DUOX2: variants seen among roughly 807,000 people sequenced by gnomAD.
The protein encoded by DUOX2 is dual oxidase 2.
DUOX2 carries 185 observed loss-of-function variants against 183.3 expected under a neutral mutation model. The ratio of observed to expected loss-of-function variants is 1.01; its 90% CI spans 0.90 to 1.14. The LOEUF is 1.14. DUOX2 is among the 50% of genes most tolerant of loss of function. The pLI is 0.00. For synonymous variants in DUOX2, 788 were observed against 812.4 expected, an observed-to-expected ratio of 0.97 and a Z score of 0.51; for missense variants, 1,999 against 2,022.9, an observed-to-expected ratio of 0.99 and a Z score of 0.23.
In DUOX2 at chr15:45,104,517, C is replaced by T; in HGVS notation, c.2335-152G>A. 2.8e-6 allele frequency: 3 copies of T among 1,090,476 alleles called. No individual in the cohort carries two copies. In the South Asian group the frequency reaches 4.7e-5, roughly 17 times the overall value. The allele number at this position is 1,090,476 out of a possible 1,614,324, so 67.6% of individuals were successfully genotyped here. On this transcript the variant is annotated intron_variant, in intron 18 of 33. Transcript: ENST00000389039. ...GATCCTTAGATATACTGACTGGGGC[C>T]TCTGTTGTCCTATAGACGGGGGAAT...
intron 4 of DUOX2, 93 bp from the exon 5 acceptor site, chr15:45,112,048 G>C (rs762075659): frequency 3.1e-5 from 47 of 1,493,356 alleles, no homozygotes; most frequent in Middle Eastern, 3.4e-4. Context: ...GGAGCCAAAA[G>C]ACAGAGGTCC....
rs773015565 is a variant in DUOX2, at chr15:45,095,616, T to C, written c.4081-21A>G. 4 of 1,613,760 alleles carry C rather than the reference T, an allele frequency of 2.5e-6. No homozygotes were observed. In the South Asian group the frequency reaches 3.3e-5, roughly 13 times the overall value. ...TACAGCTGCCAAGAGAGGGGGGAGA[T>C]GAAATGAGCCTGACCCTGCCCCAGC... On this transcript the variant is annotated intron_variant, in intron 30 of 33. Coordinates refer to ENST00000389039, the MANE Select transcript of DUOX2 (RefSeq NM_001363711.2).
intron 12 of DUOX2, 78 bp from the exon 13 acceptor site, chr15:45,108,300 C>T: frequency 6.5e-7 from 1 of 1,537,942 alleles, no homozygotes; most frequent in Non-Finnish European, 8.9e-7. Flanking sequence ...CCCTCGGGCA[C>T]AGAACCTCAG....
Position 45,108,079 on chromosome 15 carries a change from A to G in DUOX2, c.1542T>C (p.Gly514=). Residue 514 remains glycine, a synonymous_variant, in exon 13 of 34, where the codon GGT becomes GGC. Coordinates refer to ENST00000389039, the MANE Select transcript of DUOX2 (RefSeq NM_001363711.2). ...VLDQFVRLRD[G]DRYWFENTRN... ...TGGTGTTCTCAAACCAGTAGCGGTC[A>G]CCATCCCGCAGCCGTACAAACTGGT... 3 of 1,614,032 alleles carry G rather than the reference A, an allele frequency of 1.9e-6. No homozygotes were observed. The highest frequency in any genetic ancestry group is 2.5e-6 in the Non-Finnish European group (3 of 1,179,974).
intron 9 of DUOX2, 80 bp from the exon 10 acceptor site, chr15:45,110,060 TG>T (rs1179369376): frequency 7.7e-7 from 1 of 1,301,964 alleles, no homozygotes; most frequent in Non-Finnish European, 1.1e-6. Flanking sequence ...AGGGACTCAG[TG>T]GGGGTTCACT....
rs778178479 is a variant in DUOX2, at chr15:45,110,479, A to G, written c.989T>C (p.Val330Ala). ...LDPSISPEFV[V>A]ASEQFFSTMV... ...GGTAGAGAAGAACTGCTCAGAGGCCACCACAAATTCCGGGGAGATGCTGGG... is the reference window on the plus strand; with the variant it reads ...GGTAGAGAAGAACTGCTCAGAGGCCGCCACAAATTCCGGGGAGATGCTGGG... Residue 330 changes from valine to alanine, a missense_variant, in exon 9 of 34, where the codon GTG (valine) becomes GCG (alanine). Transcript: ENST00000389039. The G allele has an allele frequency of 3.1e-6, 5 of 1,614,010 alleles. No individual in the cohort carries two copies. In the African/African-American group the frequency reaches 6.7e-5, roughly 22 times the overall value.
At position 45,106,822 on chromosome 15, in the gene DUOX2, A is replaced by C. The variant is rs965660856; in HGVS notation, c.1831+10T>G. The stretch of plus-strand genomic sequence containing the variant: ...GGGCCAGTCTGCAGAGAGGCTGCCT[A>C]AGAGCTCACCTAAGGGAAGGCAGCA... On this transcript the variant is annotated intron_variant, in intron 15 of 33. Coordinates refer to ENST00000389039, the MANE Select transcript of DUOX2 (RefSeq NM_001363711.2). 3 of 1,597,494 alleles carry C rather than the reference A, an allele frequency of 1.9e-6. No homozygotes were observed. Among genetic ancestry groups the C allele is most frequent in the Non-Finnish European group, 2.6e-6 (3 of 1,172,716 alleles).
At chr15:45,096,163 T>TGTGTCTG in intron 29 of DUOX2, 103 bp from the exon 30 acceptor site, 2 of 1,012,472 alleles carry the variant, frequency 2.0e-6, no homozygotes, top group Non-Finnish European at 3.1e-6. Context: ...GCCTGGGGAG[T>TGTGTCTG]AGTCACATGG....
chr15:45,104,099 C>T (rs937047611), intron 19 of DUOX2, 41 bp downstream of exon 19: 1 of 1,614,018 alleles, frequency 6.2e-7, no homozygotes, highest in Non-Finnish European at 8.5e-7. Flanking sequence ...GCTGAAAGAC[C>T]CCTGGATTCT....
chr15:45,104,271 T>A lies in DUOX2; in HGVS notation c.2429A>T (p.Glu810Val). 2 of 1,614,032 alleles carry A rather than the reference T, an allele frequency of 1.2e-6. No homozygotes were observed. The highest frequency in any genetic ancestry group is 1.7e-6 in the Non-Finnish European group (2 of 1,180,010). The change falls in exon 19 of 34, where the codon GAG becomes GTG. Residue 810 changes from glutamate (E) to valine (V), a missense_variant. Physicochemically the swap from Glu to Val is moderately radical, Grantham distance 121. Around this residue, in one of 3 missense-constraint regions of DUOX2, gnomAD observed 1,628 missense variants for 1,608.6 expected, o/e 1.01. Coordinates refer to ENST00000389039, the MANE Select transcript of DUOX2 (RefSeq NM_001363711.2). ...EALTCELSRAEFAESLGLKPQ... is the reference protein window; with the variant it reads ...EALTCELSRAVFAESLGLKPQ... ...CTTGAGGCCCAGGGACTCGGCAAAC[T>A]CGGCCCTGCTCAGCTCGCAGGTCAG... is the stretch of plus-strand genomic sequence containing the variant.
At chr15:45,097,138 C>G in intron 29 of DUOX2, 100 bp downstream of exon 29, 1 of 1,558,796 alleles carries the variant, frequency 6.4e-7, no homozygotes, top group Non-Finnish European at 8.8e-7. Context: ...GAGACAGAGT[C>G]AGAGGCAGTG....
chr15:45,101,045 A>G (rs1894068348), intron 22 of DUOX2, 160 bp downstream of exon 22: 3 of 747,266 alleles, frequency 4.0e-6, no homozygotes, highest in Non-Finnish European at 7.1e-6. Context: ...TCCGAGCAGC[A>G]TAGGGTGAGA....
Position 45,106,597 on chromosome 15 carries a change from C to T in DUOX2, c.1876G>A (p.Glu626Lys). 1 of 1,614,156 alleles carries T rather than the reference C, an allele frequency of 6.2e-7. No individual in the cohort carries two copies. The highest frequency in any genetic ancestry group is 1.1e-5 in the South Asian group (1 of 91,086). The change falls in exon 16 of 34, where the codon GAA (glutamate) becomes AAA (lysine). Residue 626 changes from glutamate (E) to lysine (K), a missense_variant. Glu to Lys is a moderately conservative substitution (Grantham distance 56). Around this residue, in one of 3 missense-constraint regions of DUOX2, gnomAD observed 1,628 missense variants for 1,608.6 expected, o/e 1.01. Transcript: ENST00000389039. ...AGTTTCTTTTGTAGCTTCTTGTGTT[C>T]TCGGCCCCGGAAATAGGCCACCACT... is the stretch of plus-strand genomic sequence containing the variant. ...SGVVAYFRGR[E>K]HKKLQKKLKE...
chr15:45,113,886 C>G (rs1371689275), intron 1 of DUOX2, 87 bp downstream of exon 1: 1 of 205,558 alleles, frequency 4.9e-6, no homozygotes, highest in Non-Finnish European at 1.0e-5. Flanking sequence ...CAATGAATCC[C>G]CCCTTCCCCA....
chr15:45,097,855 C>G (rs543886342), intron 27 of DUOX2, 114 bp from the exon 28 acceptor site: 1 of 1,579,824 alleles, frequency 6.3e-7, no homozygotes, highest in South Asian at 1.1e-5. Flanking sequence ...CTCCGGGGCC[C>G]CCAGAAAAGC....
intron 17 of DUOX2, 133 bp from the exon 18 acceptor site, chr15:45,105,961 T>G: frequency 7.2e-7 from 1 of 1,397,776 alleles, no homozygotes; most frequent in Non-Finnish European, 9.9e-7. Flanking sequence ...GCCAGGTGTG[T>G]GGACGAAGGG....
At position 45,101,290 on chromosome 15, in the gene DUOX2, A is replaced by G. The variant is rs199968378; in HGVS notation, c.2852-16T>C. On this transcript the variant is annotated splice_polypyrimidine_tract_variant and intron_variant, in intron 21 of 33. Transcript: ENST00000389039. ...TCTCTAATACCTAGAGAAAAGAACA[A>G]GAGGCAGGACTGGCTTCCCCACAAG... 1.2e-6 allele frequency: 2 copies of G among 1,610,408 alleles called. No individual in the cohort carries two copies. Among genetic ancestry groups the G allele is most frequent in the East Asian group, 2.2e-5 (1 of 44,874 alleles).
rs1212496588 is a variant in DUOX2 at position 45,106,145 on chromosome 15, T to A, written c.2128A>T (p.Ile710Phe). The change falls in exon 17 of 34, where the codon ATC (isoleucine) becomes TTC (phenylalanine). Residue 710 changes from isoleucine (I) to phenylalanine (F), a missense_variant. This residue lies in a region of DUOX2 where 1,628 missense variants were observed against 1,608.6 expected (regional missense o/e 1.01). Coordinates refer to ENST00000389039, the MANE Select transcript of DUOX2 (RefSeq NM_001363711.2). ...CATACCAGGTCATACTCCTTAGGGATCTTGAGCAGCAGGGTGCGGCATCCT... is the reference window on the plus strand; with the variant it reads ...CATACCAGGTCATACTCCTTAGGGAACTTGAGCAGCAGGGTGCGGCATCCT... ...NRGCRTLLLK[I>F]PKEYDLVLLF... is the part of the protein sequence containing the mutation. The A allele has an allele frequency of 3.1e-6, 5 of 1,614,064 alleles. No homozygotes were observed. Among genetic ancestry groups the A allele is most frequent in the Middle Eastern group, 1.6e-4 (1 of 6,062 alleles).
chr15:45,111,480 G>GC lies in DUOX2; in HGVS notation c.618dup (p.Pro207AlafsTer94), dbSNP rs772809435. On this transcript the variant is annotated frameshift_variant, in exon 6 of 34. Transcript: ENST00000389039. LOFTEE classifies it high-confidence loss of function. ...GAGTCTCGGGGGAAAGCGGGGTCGG[G>GC]CCCCGACGCCAGCTGTCCCCCCGAG... 2.7e-5 allele frequency: 42 copies of GC among 1,550,466 alleles called. No individual in the cohort carries two copies. The South Asian group carries it at 4.7e-4, about 18-fold the overall frequency.
Sources: allele counts gnomAD v4.1 joint callset, GRCh38; gene constraint gnomAD v4.1.1; regional missense constraint gnomAD v4.1.1; transcripts MANE v1.5; gene names NCBI Gene and HGNC (gene_info 2026-07-23, HGNC 2026-07-21).